The following NLGN1 variants were observed in gnomAD, a reference collection of about 807,000 sequenced individuals.
NLGN1 encodes the protein neuroligin-1.
In NLGN1, 12 loss-of-function variants were observed where a neutral mutation model predicts 65.5. The observed-to-expected ratio is 0.18, with a 90% CI of 0.12 to 0.30. The LOEUF (loss-of-function observed/expected upper bound fraction) is 0.30, where lower values mean the gene tolerates loss of function less well. Ranked by LOEUF, NLGN1 falls within the 10% of genes least tolerant of loss-of-function variation. The probability of loss-of-function intolerance (pLI) is 1.00; values close to 1 mark genes in which losing one functional copy is unlikely to be tolerated. For missense variants in NLGN1, 750 were observed against 1,007.1 expected (o/e 0.74, Z 3.46); for synonymous variants, 350 against 359.5 (o/e 0.97, Z 0.30).
chr3:173,703,067 T>TAA, intron 3 of NLGN1, among the ~76,000 whole-genome samples: 1 of 151,816 alleles, frequency 6.6e-6, no homozygotes, highest in Non-Finnish European at 1.5e-5. Flanking sequence ...GGTATTATGT[T>TAA]ACTAGAGTTT....
chr3:173,920,076 G>A (rs1488805627), intron 4 of NLGN1, among the ~76,000 whole-genome samples: 1 of 151,918 alleles, frequency 6.6e-6, no homozygotes, highest in Non-Finnish European at 1.5e-5. Flanking sequence ...AGCAAACCTA[G>A]TATCTTGAGA....
At chr3:174,066,516 G>GTCTCTCTCTC (rs373763421) in intron 4 of NLGN1, among the ~76,000 whole-genome samples, 1,393 of 66,894 alleles carry the variant, frequency 0.021, 56 homozygotes, top group South Asian at 0.029. Flanking sequence ...TATGGAACAA[G>GTCTCTCTCTC]TCTCTCTCTC....
chr3:173,986,107 A>G (rs1256836908), intron 4 of NLGN1, among the ~76,000 whole-genome samples: 1 of 152,202 alleles, frequency 6.6e-6, no homozygotes, highest in Non-Finnish European at 1.5e-5. Context: ...TAATTAGTTA[A>G]GTCGACATGA....
chr3:174,156,285 C>T (rs1398482028), intron 4 of NLGN1, among the ~76,000 whole-genome samples: 3 of 151,816 alleles, frequency 2.0e-5, no homozygotes, highest in Admixed American at 6.6e-5. Context: ...CAGCTATTTC[C>T]GGAACATTGT....
At chr3:173,818,646 G>GATATTTAGATATTAGTCACT (rs1188316777) in intron 4 of NLGN1, among the ~76,000 whole-genome samples, 4 of 152,076 alleles carry the variant, frequency 2.6e-5, no homozygotes, top group African/African-American at 7.2e-5. Flanking sequence ...TAGCCCTTAG[G>GATATTTAGATATTAGTCACT]TAGATATTTG....
chr3:174,058,377 C>G (rs1288231924), intron 4 of NLGN1, among the ~76,000 whole-genome samples: 1 of 152,054 alleles, frequency 6.6e-6, no homozygotes, highest in African/African-American at 2.4e-5. Context: ...TAGATAAAAG[C>G]ATCTGAATTG....
chr3:173,536,192 A>C (rs1737400037), intron 2 of NLGN1, among the ~76,000 whole-genome samples: 1 of 152,156 alleles, frequency 6.6e-6, no homozygotes, highest in Non-Finnish European at 1.5e-5. Context: ...GATCCAGCAG[A>C]TGTCTCACCA....
At chr3:174,169,629 C>T (rs1258107985) in intron 4 of NLGN1, among the ~76,000 whole-genome samples, 2 of 152,056 alleles carry the variant, frequency 1.3e-5, no homozygotes, top group Non-Finnish European at 2.9e-5. Context: ...TGAATTTCTG[C>T]CTGGGAGTAG....
chr3:173,712,645 A>G (rs1769169369), intron 3 of NLGN1, among the ~76,000 whole-genome samples: 1 of 152,178 alleles, frequency 6.6e-6, no homozygotes, highest in Non-Finnish European at 1.5e-5. Flanking sequence ...GGAAGTGCCC[A>G]GAACAAGTAG....
At chr3:174,115,284 A>G (rs1716143997) in intron 4 of NLGN1, among the ~76,000 whole-genome samples, 1 of 152,146 alleles carries the variant, frequency 6.6e-6, no homozygotes, top group Admixed American at 6.5e-5. Flanking sequence ...ATGAGATTAA[A>G]TGAGAGAACT....
chr3:173,448,547 G>T (rs995889009), intron 2 of NLGN1, among the ~76,000 whole-genome samples: 2 of 152,126 alleles, frequency 1.3e-5, no homozygotes, highest in Non-Finnish European at 2.9e-5. Flanking sequence ...TCTCTGCCAG[G>T]CTTTGGTATC....
intron 4 of NLGN1, among the ~76,000 whole-genome samples, chr3:173,936,106 G>T (rs540612017): frequency 4.6e-5 from 7 of 151,580 alleles, no homozygotes; most frequent in Admixed American, 2.6e-4. Flanking sequence ...TGCACATTAA[G>T]TCTTTTTTTT....
chr3:173,823,620 T>C (rs1720754263), intron 4 of NLGN1, among the ~76,000 whole-genome samples: 2 of 152,052 alleles, frequency 1.3e-5, no homozygotes, highest in Admixed American at 6.6e-5. Flanking sequence ...TCAACTAAAA[T>C]TAAATAAAGT....
At chr3:173,922,464 T>A (rs946817579) in intron 4 of NLGN1, among the ~76,000 whole-genome samples, 3 of 152,238 alleles carry the variant, frequency 2.0e-5, no homozygotes, top group Non-Finnish European at 4.4e-5. Context: ...CTGAACATAT[T>A]TGTTCACATT....
intron 4 of NLGN1, among the ~76,000 whole-genome samples, chr3:174,256,376 A>G (rs60612245): frequency 0.11 from 17,209 of 152,218 alleles, 1,787 homozygotes; most frequent in African/African-American, 0.27. Context: ...GTTCAAAGAA[A>G]GCTGATTCCT....
At chr3:173,446,222 C>T (rs113083918) in intron 2 of NLGN1, among the ~76,000 whole-genome samples, 2 of 52,496 alleles carry the variant, frequency 3.8e-5, no homozygotes, top group South Asian at 1.9e-3. Context: ...CCCCTACCCC[C>T]ACCCCACAAC....
intron 3 of NLGN1, among the ~76,000 whole-genome samples, chr3:173,720,838 G>A (rs763860894): frequency 1.5e-4 from 23 of 152,156 alleles, no homozygotes; most frequent in Non-Finnish European, 3.1e-4. Flanking sequence ...CTGCACTTGC[G>A]TGTCTGCTGA....
intron 4 of NLGN1, among the ~76,000 whole-genome samples, chr3:174,193,650 A>G (rs1732803163): frequency 6.6e-6 from 1 of 152,212 alleles, no homozygotes; most frequent in Non-Finnish European, 1.5e-5. Flanking sequence ...AGATTATTCC[A>G]TTCTACCATG....
At chr3:173,601,409 T>C (rs1577474842) in intron 2 of NLGN1, among the ~76,000 whole-genome samples, 1 of 152,064 alleles carries the variant, frequency 6.6e-6, no homozygotes, top group Non-Finnish European at 1.5e-5. Context: ...CTCTTTCCTT[T>C]CTACTCAGAG....
Sources: allele counts gnomAD v4.1 joint callset (sites outside exome capture counted in the v4.1 genomes callset), GRCh38; gene constraint gnomAD v4.1.1; transcripts MANE v1.5; gene names NCBI Gene and HGNC (gene_info 2026-07-23, HGNC 2026-07-21).